LYZL1: variants seen among roughly 807,000 people sequenced by gnomAD.
The protein encoded by LYZL1 is lysozyme like 1, also known as lysozyme-like protein 1.
Under a neutral mutation model 17.9 loss-of-function variants are expected in LYZL1, and 16 were observed. The observed-to-expected ratio is 0.90, with a 90% CI of 0.61 to 1.36. LYZL1 has a LOEUF of 1.36. Among genes scored for constraint, LYZL1 ranks in the 40% most tolerant of loss-of-function variants. The pLI is 0.00. For missense variants in LYZL1, 149 were observed against 188.4 expected (o/e 0.79, Z 1.22); for synonymous variants, 58 against 71.8 (o/e 0.81, Z 0.97).
chr10:29,314,111 A>C (rs143278229), downstream of LYZL1, among the ~76,000 whole-genome samples: 55 of 152,166 alleles, frequency 3.6e-4, no homozygotes, highest in African/African-American at 1.1e-3. Flanking sequence ...GGTTTTTCCC[A>C]TACATGGAGG....
chr10:29,316,128 C>T (rs1024697161), downstream of LYZL1, among the ~76,000 whole-genome samples: 3 of 152,162 alleles, frequency 2.0e-5, no homozygotes, highest in Admixed American at 1.3e-4. Context: ...GGATCTGGAT[C>T]TGGGAGGAAC....
chr10:29,290,551 A>C (rs57210873), intron 1 of LYZL1, among the ~76,000 whole-genome samples: 3,558 of 152,308 alleles, frequency 0.023, 69 homozygotes, highest in South Asian at 0.064. Context: ...TAAAACACTC[A>C]TGTTTTGGGC....
At chr10:29,299,524 A>T (rs923935681) in intron 3 of LYZL1, among the ~76,000 whole-genome samples, 10 of 152,186 alleles carry the variant, frequency 6.6e-5, no homozygotes, top group Non-Finnish European at 1.5e-4. Flanking sequence ...ATAGTGAGAG[A>T]TAGATATTGA....
intron 3 of LYZL1, among the ~76,000 whole-genome samples, chr10:29,293,621 A>C (rs1172636280): frequency 6.6e-6 from 1 of 152,186 alleles, no homozygotes; most frequent in Non-Finnish European, 1.5e-5. Context: ...ATGAAGTTAA[A>C]TCATGTAAGG....
chr10:29,301,736 A>T (rs4749411), intron 3 of LYZL1, among the ~76,000 whole-genome samples: 12 of 152,056 alleles, frequency 7.9e-5, no homozygotes, highest in Non-Finnish European at 1.0e-4. Context: ...AAAACATTTC[A>T]GTCATTCTTT....
Position 29,299,124 on chromosome 10 carries a change from T to C in LYZL1, c.298+6447T>C, listed in dbSNP as rs535055810. ...GTTCACAATAGGGTTCGCACTCCTA[T>C]GAGAATCTAATGCTGCCACTGATCC... On this transcript the variant is annotated intron_variant, in intron 3 of 4. Coordinates refer to ENST00000649382, the MANE Select transcript of LYZL1 (RefSeq NM_032517.6). 6.6e-4 allele frequency among the ~76,000 whole-genome samples: 100 copies of C among 152,256 alleles called. 1 individual carries two copies. The South Asian group carries it at 0.021, about 31-fold the overall frequency.
chr10:29,311,697 A>C (rs1835674689), downstream of LYZL1, among the ~76,000 whole-genome samples: 1 of 152,170 alleles, frequency 6.6e-6, no homozygotes, highest in Non-Finnish European at 1.5e-5. Context: ...GAAAAACATC[A>C]CCAGGCACGG....
In LYZL1 at chr10:29,311,017, C is replaced by G. The variant is rs370859201; in HGVS notation, c.405C>G (p.Gly135=). Residue 135 remains glycine (G), a synonymous_variant, in exon 5 of 5, where the codon GGC becomes GGG. Transcript: ENST00000649382. ...YWQGWKKHCE[G]RDLSEWKKGC... ...AAGGCTGGAAGAAACATTGTGAGGG[C>G]AGAGACCTGTCCGAGTGGAAAAAAG... 44 of 1,614,140 alleles carry G rather than the reference C, an allele frequency of 2.7e-5. No individual in the cohort carries two copies. The highest frequency in any genetic ancestry group is 1.0e-4 in the Admixed American group (6 of 60,024).
At chr10:29,295,487 A>C (rs1263781227) in intron 3 of LYZL1, among the ~76,000 whole-genome samples, 1 of 152,178 alleles carries the variant, frequency 6.6e-6, no homozygotes, top group African/African-American at 2.4e-5. Context: ...GGAGTCTTTC[A>C]GTTAAATATG....
In LYZL1 at chr10:29,295,793, A is replaced by C. The variant is rs181201836; in HGVS notation, c.298+3116A>C. ...AAGTGTGAGAGGGACTTCACCCATC[A>C]TTGCTGGCTGTGAAGATGGAGTAAG... On this transcript the variant is annotated intron_variant, in intron 3 of 4. Transcript: ENST00000649382. Among the ~76,000 whole-genome samples the C allele has an allele frequency of 4.6e-5, 7 of 152,306 alleles. No homozygotes were observed. In the East Asian group the frequency reaches 1.2e-3, roughly 25 times the overall value.
intron 3 of LYZL1, among the ~76,000 whole-genome samples, chr10:29,309,551 C>G (rs1333178320): frequency 6.6e-6 from 1 of 151,982 alleles, no homozygotes; most frequent in East Asian, 1.9e-4. Flanking sequence ...GGCTGGAGTG[C>G]AGTGGTGTGA....
In LYZL1 at chr10:29,305,125, C is replaced by T. The variant is rs148978776; in HGVS notation, c.299-4985C>T. Reference sequence around the variant, plus strand: ...CTGTGTCCCTCCAACCTCTAGAGACCGCCCCAAACCCACATCTCCCAGAAA... The same window carrying T: ...CTGTGTCCCTCCAACCTCTAGAGACTGCCCCAAACCCACATCTCCCAGAAA... On this transcript the variant is annotated intron_variant, in intron 3 of 4. Transcript: ENST00000649382. 4.6e-3 allele frequency among the ~76,000 whole-genome samples: 702 copies of T among 152,152 alleles called. 4 individuals carry two copies. The highest frequency in any genetic ancestry group is 0.015 in the African/African-American group (643 of 41,484).
rs541484664 is a variant in LYZL1, at chr10:29,311,167, C to T, written c.*108C>T. The T allele has an allele frequency of 1.1e-5, 18 of 1,603,428 alleles. No homozygotes were observed. The South Asian group carries it at 1.9e-4, about 17-fold the overall frequency. ...TTTCCTCCCAATATTCCTTCTCAAACTTGGAGAGGGAAAATTAAGCTATAC... is the reference window on the plus strand; with the variant it reads ...TTTCCTCCCAATATTCCTTCTCAAATTTGGAGAGGGAAAATTAAGCTATAC... On this transcript the variant is annotated 3_prime_UTR_variant, in exon 5 of 5. Transcript: ENST00000649382.
chr10:29,303,620 G>A (rs1355119372), intron 3 of LYZL1, among the ~76,000 whole-genome samples: 2 of 152,182 alleles, frequency 1.3e-5, no homozygotes, highest in Admixed American at 6.5e-5. Context: ...GTGTTGGACG[G>A]TTCATGGTCA....
chr10:29,290,167 T>C (rs777480718), intron 1 of LYZL1, among the ~76,000 whole-genome samples: 24 of 152,316 alleles, frequency 1.6e-4, no homozygotes, highest in East Asian at 3.9e-4. Context: ...GAGAAGTTTC[T>C]AGGCAAGTGC....
chr10:29,290,587 T>C (rs1251423399), intron 1 of LYZL1, among the ~76,000 whole-genome samples: 1 of 152,212 alleles, frequency 6.6e-6, no homozygotes, highest in Non-Finnish European at 1.5e-5. Context: ...ACACCTGTTA[T>C]CCCAGCACTT....
intron 4 of LYZL1, 30 bp from the exon 5 acceptor site, chr10:29,310,960 C>G: frequency 6.2e-7 from 1 of 1,614,160 alleles, no homozygotes; most frequent in Non-Finnish European, 8.5e-7. Flanking sequence ...ACGCTTCTTT[C>G]TGCTGCTCCT....
chr10:29,310,250 C>T, intron 4 of LYZL1, 62 bp downstream of exon 4: 1 of 1,291,728 alleles, frequency 7.7e-7, no homozygotes, highest in Middle Eastern at 1.9e-4. Context: ...GTGTATTTAT[C>T]ACAGTTATGG....
downstream of LYZL1, chr10:29,311,293 A>G (rs1835669634): frequency 9.8e-6 from 13 of 1,328,786 alleles, no homozygotes; most frequent in Non-Finnish European, 3.9e-6. Flanking sequence ...TCACCTCCAC[A>G]ATGCTCTAGC....
Sources: gnomAD v4.1 joint callset for allele counts (sites outside exome capture counted in the v4.1 genomes callset) on GRCh38, gnomAD v4.1.1 for gene constraint, MANE v1.5 for transcripts, NCBI Gene and HGNC (gene_info 2026-07-23, HGNC 2026-07-21) for gene names.